Variants in SMARCA4 observed in about 807,000 individuals in gnomAD.
SMARCA4 encodes the protein SWI/SNF-related matrix-associated actin-dependent regulator of chromatin subfamily A member 4.
In SMARCA4, 31 loss-of-function variants were observed where a neutral mutation model predicts 193.9. The observed-to-expected ratio is 0.16, with a 90% CI of 0.12 to 0.22. The LOEUF is 0.22. Among genes scored for constraint, SMARCA4 ranks in the 10% least tolerant of loss-of-function variants. SMARCA4 has a pLI of 1.00. For synonymous variants in SMARCA4, 942 were observed against 933.1 expected (o/e 1.01, Z -0.17); for missense variants, 1,148 against 2,296.0 (o/e 0.50, Z 10.22).
At chr19:10,994,392 C>T (rs1210495604) in intron 8 of SMARCA4, among the ~76,000 whole-genome samples, 5 of 147,004 alleles carry the variant, frequency 3.4e-5, no homozygotes, top group Non-Finnish European at 5.9e-5. Flanking sequence ...GGCACGATCT[C>T]GGCTCACTGC....
At chr19:11,027,645 C>T (rs2090358302) in intron 23 of SMARCA4, 139 bp from the exon 24 acceptor site, 11 of 882,072 alleles carry the variant, frequency 1.2e-5, no homozygotes, top group Admixed American at 1.9e-5. Flanking sequence ...GGGTGGGTGA[C>T]GTCTGCTTAG....
At chr19:11,021,458 G>A in intron 18 of SMARCA4, 1 of 584,796 alleles carries the variant, frequency 1.7e-6, no homozygotes, top group South Asian at 1.7e-5. Context: ...AGGGAAGCCA[G>A]ATTGCTTTTT....
At chr19:11,016,436 C>G (rs1020522277) in intron 16 of SMARCA4, among the ~76,000 whole-genome samples, 1 of 152,154 alleles carries the variant, frequency 6.6e-6, no homozygotes, top group Admixed American at 6.5e-5. Flanking sequence ...TGAGAGTTGC[C>G]AAATACATGG....
rs1372708876 is a variant in SMARCA4, at chr19:10,987,948, A to G, written c.1118+24A>G. The G allele has an allele frequency of 1.9e-6, 3 of 1,610,616 alleles. No homozygotes were observed. The highest frequency in any genetic ancestry group is 2.2e-5 in the East Asian group (1 of 44,862). Reference sequence around the variant, plus strand: ...AGGTGAGGGCGGGGCCCAGTTGCCAAGGTCACTGCCCTGTGTCCCCCATGT... The same window carrying G: ...AGGTGAGGGCGGGGCCCAGTTGCCAGGGTCACTGCCCTGTGTCCCCCATGT... On this transcript the variant is annotated intron_variant, in intron 6 of 34. Transcript: ENST00000344626. This position sits in a 1 kb window ranked among gnomAD's most constrained non-coding sequence, Gnocchi z 5.3.
intron 18 of SMARCA4, among the ~76,000 whole-genome samples, chr19:11,020,339 G>A (rs549241861): frequency 2.0e-5 from 3 of 152,160 alleles, no homozygotes; most frequent in South Asian, 4.2e-4. Flanking sequence ...TTGAGGAGGG[G>A]TAAAGATGTA....
intron 13 of SMARCA4, 22 bp downstream of exon 13, chr19:11,003,419 T>A: frequency 1.2e-6 from 2 of 1,608,408 alleles, no homozygotes; most frequent in South Asian, 2.2e-5. Context: ...TTTCCTGGCT[T>A]TCAAGGCTCT....
chr19:11,022,998 T>C (rs1050611380), intron 19 of SMARCA4, among the ~76,000 whole-genome samples: 2 of 152,194 alleles, frequency 1.3e-5, no homozygotes, highest in Non-Finnish European at 2.9e-5. Context: ...TAAAAGTTAA[T>C]TATTAGTAGA....
intron 30 of SMARCA4, among the ~76,000 whole-genome samples, chr19:11,042,674 C>T (rs2075686523): frequency 6.6e-6 from 1 of 152,182 alleles, no homozygotes; most frequent in Non-Finnish European, 1.5e-5. Flanking sequence ...AATTGGAGTG[C>T]CTAAATTAAT....
At position 11,024,396 on chromosome 19, in the gene SMARCA4, C is replaced by G. The variant is rs2090101388; in HGVS notation, c.3039C>G (p.Ala1013=). The change falls in exon 21 of 35, where the codon GCC becomes GCG. Residue 1013 remains alanine (A), a synonymous_variant. Transcript: ENST00000344626. ...GAGTGCTCTACCGCCACATGCAGGC[C>G]AAGGGCGTGCTGCTGACTGATGGCT... ...LQRVLYRHMQ[A]KGVLLTDGSE... 1 of 1,613,164 alleles carries G rather than the reference C, an allele frequency of 6.2e-7. No individual in the cohort carries two copies. Among genetic ancestry groups the G allele is most frequent in the East Asian group, 2.2e-5 (1 of 44,878 alleles).
chr19:11,037,590 C>A (rs185148095), intron 29 of SMARCA4, among the ~76,000 whole-genome samples: 233 of 152,326 alleles, frequency 1.5e-3, no homozygotes, highest in Non-Finnish European at 2.8e-3. Flanking sequence ...TCTGCACATT[C>A]TCTTTTCGCT....
chr19:11,003,449 C>A (rs1027057589), intron 13 of SMARCA4, 52 bp downstream of exon 13: 1 of 1,471,500 alleles, frequency 6.8e-7, no homozygotes, highest in Non-Finnish European at 9.5e-7. Flanking sequence ...CTGGCAGTGA[C>A]TTCCACCCTG....
intron 1 of SMARCA4, among the ~76,000 whole-genome samples, chr19:10,979,070 A>G (rs984700376): frequency 6.6e-6 from 1 of 152,198 alleles, no homozygotes; most frequent in Non-Finnish European, 1.5e-5. Context: ...GCGATTGGAC[A>G]TTGGCAACAT....
At chr19:11,035,813 C>G (rs1464210194) in intron 29 of SMARCA4, among the ~76,000 whole-genome samples, 1 of 152,242 alleles carries the variant, frequency 6.6e-6, no homozygotes, top group Admixed American at 6.5e-5. Context: ...TGACAGATGC[C>G]TGGCACTGAT....
rs1354590609 is a variant in SMARCA4, at chr19:10,961,105, C to T, written c.-101C>T. 1.3e-5 allele frequency: 2 copies of T among 148,952 alleles called. No individual in the cohort carries two copies. The highest frequency in any genetic ancestry group is 2.0e-4 in the East Asian group (1 of 5,120). The allele number at this position is 148,952 out of a possible 1,614,324, so 9.2% of individuals were successfully genotyped here. ...GTTTCGTGAAGAGAAGCGAGACGCC[C>T]ATTCTGCCCCCGGCCCCGCGCGGAG... On this transcript the variant is annotated 5_prime_UTR_variant, in exon 1 of 35. Transcript: ENST00000344626.
intron 30 of SMARCA4, among the ~76,000 whole-genome samples, chr19:11,056,748 G>A (rs185646448): frequency 1.3e-3 from 194 of 152,308 alleles, no homozygotes; most frequent in Non-Finnish European, 2.3e-3. Flanking sequence ...CAGGGGCTTC[G>A]TGATGCACAC....
At chr19:11,002,992 C>T (rs2146092526) in intron 11 of SMARCA4, 37 bp from the exon 12 acceptor site, 3 of 1,613,496 alleles carry the variant, frequency 1.9e-6, no homozygotes, top group South Asian at 1.1e-5. Context: ...TCTGGAGGCC[C>T]TGCAACCTCA....
intron 14 of SMARCA4, 109 bp downstream of exon 14, chr19:11,008,132 C>A (rs2146199182): frequency 8.7e-7 from 1 of 1,143,140 alleles, no homozygotes; most frequent in Non-Finnish European, 1.3e-6. Context: ...ACTGTCCAGC[C>A]AGCTGCTACT....
chr19:10,992,622 C>G (rs189112221), intron 8 of SMARCA4, among the ~76,000 whole-genome samples: 2 of 151,272 alleles, frequency 1.3e-5, no homozygotes, highest in East Asian at 2.0e-4. Context: ...GAGTTTCACT[C>G]TTGTTGCCCA....
intron 16 of SMARCA4, among the ~76,000 whole-genome samples, chr19:11,013,900 C>T (rs1386525619): frequency 6.6e-6 from 1 of 152,122 alleles, no homozygotes; most frequent in Admixed American, 6.5e-5. Flanking sequence ...CTTTTTCTCC[C>T]TGCAAACAGA....
Sources: allele counts gnomAD v4.1 joint callset (sites outside exome capture counted in the v4.1 genomes callset), GRCh38; gene constraint gnomAD v4.1.1; non-coding constraint Gnocchi (gnomAD v3.1); transcripts MANE v1.5; gene names NCBI Gene and HGNC (gene_info 2026-07-23, HGNC 2026-07-21).